Variants in SGCZ observed in about 807,000 individuals in gnomAD.
The protein encoded by SGCZ is sarcoglycan zeta.
SGCZ carries 40 observed loss-of-function variants against 41.3 expected under a neutral mutation model. That is an observed-to-expected ratio of 0.97 (90% CI 0.75 to 1.26). The LOEUF (loss-of-function observed/expected upper bound fraction) is 1.26, where lower values mean the gene tolerates loss of function less well. Among genes scored for constraint, SGCZ ranks in the 50% most tolerant of loss-of-function variants. SGCZ has a pLI of 0.00. For synonymous variants in SGCZ, 206 were observed against 137.5 expected, an observed-to-expected ratio of 1.50 and a Z score of -3.49; for missense variants, 552 against 369.8, an observed-to-expected ratio of 1.49 and a Z score of -4.04.
chr8:14,641,526 T>G (rs1807027573), intron 1 of SGCZ, among the ~76,000 whole-genome samples: 1 of 151,652 alleles, frequency 6.6e-6, no homozygotes, highest in Non-Finnish European at 1.5e-5. Context: ...TTTTAGAGTT[T>G]CCAAGCCAGG....
intron 2 of SGCZ, among the ~76,000 whole-genome samples, chr8:14,384,473 G>A (rs907174436): frequency 2.0e-5 from 3 of 152,148 alleles, no homozygotes; most frequent in African/African-American, 7.2e-5. Flanking sequence ...AGAATAGATT[G>A]AAAGATAATT....
At chr8:14,489,558 G>C (rs967829064) in intron 2 of SGCZ, among the ~76,000 whole-genome samples, 3 of 151,766 alleles carry the variant, frequency 2.0e-5, no homozygotes, top group African/African-American at 7.3e-5. Flanking sequence ...AGATGGTCTG[G>C]CTTTTTTAAC....
intron 2 of SGCZ, among the ~76,000 whole-genome samples, chr8:14,541,130 G>C (rs75932336): frequency 6.6e-6 from 1 of 151,506 alleles, no homozygotes; most frequent in Non-Finnish European, 1.5e-5. Flanking sequence ...AAATAAACAG[G>C]TGTAATTTTC....
rs1049399292 is a variant in SGCZ, at chr8:14,462,741, C to T, written c.234+91991G>A. On this transcript the variant is annotated intron_variant, in intron 2 of 7. Coordinates refer to ENST00000382080, the MANE Select transcript of SGCZ (RefSeq NM_139167.4). ...TATATAAATTTTAGGATTTTGTTTT[C>T]TATTTATGCAAGAAAAAGTCATTGG... is the stretch of plus-strand genomic sequence containing the variant. Among the ~76,000 whole-genome samples the T allele has an allele frequency of 2.0e-5, 3 of 151,606 alleles. No homozygotes were observed. The South Asian group carries it at 6.2e-4, about 31-fold the overall frequency.
intron 3 of SGCZ, among the ~76,000 whole-genome samples, chr8:14,280,888 G>C (rs1457196279): frequency 1.3e-5 from 2 of 151,744 alleles, no homozygotes; most frequent in Non-Finnish European, 3.0e-5. Context: ...AAACAAGAGA[G>C]AGGGAGAAAG....
intron 1 of SGCZ, among the ~76,000 whole-genome samples, chr8:14,667,637 A>T (rs1807952843): frequency 6.6e-6 from 1 of 152,316 alleles, no homozygotes; most frequent in South Asian, 2.1e-4. Context: ...CCACAAAGAT[A>T]CTTAAAAATC....
intron 1 of SGCZ, among the ~76,000 whole-genome samples, chr8:15,208,011 G>C (rs1056048064): frequency 2.0e-5 from 3 of 152,156 alleles, no homozygotes; most frequent in African/African-American, 7.2e-5. Flanking sequence ...CAAAATCTTA[G>C]AAACACTGAA....
intron 1 of SGCZ, among the ~76,000 whole-genome samples, chr8:15,049,064 C>A (rs1308237358): frequency 6.6e-6 from 1 of 152,114 alleles, no homozygotes; most frequent in African/African-American, 2.4e-5. Flanking sequence ...AGATACCTAA[C>A]AAATCTCTGC....
At chr8:14,930,479 T>C (rs1044855784) in intron 1 of SGCZ, among the ~76,000 whole-genome samples, 6 of 152,016 alleles carry the variant, frequency 3.9e-5, no homozygotes, top group Admixed American at 1.3e-4. Flanking sequence ...AGCAATCCCA[T>C]TACTGGGTAT....
chr8:14,243,315 T>C (rs1286791970), intron 3 of SGCZ, among the ~76,000 whole-genome samples: 1 of 152,204 alleles, frequency 6.6e-6, no homozygotes, highest in Admixed American at 6.5e-5. Flanking sequence ...GTTCCTCTAA[T>C]CTTCCTAAAT....
rs114943958 is a variant in SGCZ, at chr8:14,935,889, C to A, written c.39+301696G>T. Among the ~76,000 whole-genome samples the A allele has an allele frequency of 6.7e-3, 1,021 of 151,646 alleles. 21 individuals are homozygous for A. The highest frequency in any genetic ancestry group is 0.024 in the African/African-American group (974 of 41,438). The stretch of plus-strand genomic sequence containing the variant: ...GTATGGAAGAAAAAATGATGAAAAC[C>A]AGAAACAAAATAATAAACAAAGAGA... On this transcript the variant is annotated intron_variant, in intron 1 of 7. Transcript: ENST00000382080.
chr8:14,594,933 A>G (rs73517251), intron 1 of SGCZ, among the ~76,000 whole-genome samples: 17,935 of 151,958 alleles, frequency 0.12, 1,235 homozygotes, highest in East Asian at 0.3. Flanking sequence ...ATAACTCAAT[A>G]GAGACTTGGC....
chr8:14,684,892 G>C (rs1808562084), intron 1 of SGCZ, among the ~76,000 whole-genome samples: 2 of 152,106 alleles, frequency 1.3e-5, no homozygotes. Context: ...TCTGTTATCT[G>C]TGCAGGTCGT....
intron 2 of SGCZ, among the ~76,000 whole-genome samples, chr8:14,526,292 T>C (rs973459405): frequency 2.0e-5 from 3 of 152,100 alleles, no homozygotes; most frequent in Non-Finnish European, 2.9e-5. Flanking sequence ...CTCTTGTCTA[T>C]TTCTAGGTCT....
intron 4 of SGCZ, among the ~76,000 whole-genome samples, chr8:14,182,001 T>C (rs1040711791): frequency 3.3e-5 from 5 of 152,152 alleles, no homozygotes; most frequent in East Asian, 1.9e-4. Flanking sequence ...TAACCTCAAA[T>C]TGGAGATATG....
chr8:14,982,302 G>A (rs1268311207), intron 1 of SGCZ, among the ~76,000 whole-genome samples: 6 of 152,152 alleles, frequency 3.9e-5, no homozygotes, highest in East Asian at 1.9e-4. Context: ...TGCCAAGTCC[G>A]TGGAGTTCAA....
intron 2 of SGCZ, among the ~76,000 whole-genome samples, chr8:14,433,136 T>A (rs560024284): frequency 1.3e-5 from 2 of 152,288 alleles, no homozygotes; most frequent in African/African-American, 4.8e-5. Context: ...AAATTGCAGT[T>A]ATTCTTATTA....
intron 3 of SGCZ, among the ~76,000 whole-genome samples, chr8:14,245,533 T>A (rs189478940): frequency 2.0e-5 from 3 of 152,036 alleles, no homozygotes; most frequent in African/African-American, 4.8e-5. Context: ...ACATAGACAT[T>A]GGCAAGGACT....
chr8:14,238,151 A>G (rs1806835795), intron 3 of SGCZ, among the ~76,000 whole-genome samples: 1 of 152,214 alleles, frequency 6.6e-6, no homozygotes, highest in Admixed American at 6.5e-5. Flanking sequence ...CCCAATGTCC[A>G]TTTAGTTTGT....
Sources: allele counts gnomAD v4.1 joint callset (sites outside exome capture counted in the v4.1 genomes callset), GRCh38; gene constraint gnomAD v4.1.1; transcripts MANE v1.5; gene names NCBI Gene and HGNC (gene_info 2026-07-23, HGNC 2026-07-21).